Variants in SANBR observed in about 807,000 individuals in gnomAD.
SANBR encodes SANT and BTB domain regulator of CSR, also known as SANT and BTB domain regulator of class switch recombination.
Under a neutral mutation model 101.8 loss-of-function variants are expected in SANBR, and 77 were observed. That is an observed-to-expected ratio of 0.76 (90% CI 0.63 to 0.91). The LOEUF is 0.91. SANBR is among the 40% of genes least tolerant of loss of function. The probability of loss-of-function intolerance (pLI) is 0.00; values close to 1 mark genes in which losing one functional copy is unlikely to be tolerated. For missense variants in SANBR, 875 were observed against 853.0 expected, an observed-to-expected ratio of 1.03 and a Z score of -0.32; for synonymous variants, 279 against 274.7, an observed-to-expected ratio of 1.02 and a Z score of -0.15.
chr2:61,116,582 C>T (rs1283876851), intron 17 of SANBR, among the ~76,000 whole-genome samples: 1 of 151,466 alleles, frequency 6.6e-6, no homozygotes, highest in Non-Finnish European at 1.5e-5. Context: ...GTAAAAAAGC[C>T]AGGTAGGAAT....
rs191268712 is a variant in SANBR, at chr2:61,099,836, A to G, written c.1365+1984A>G. Among the ~76,000 whole-genome samples the G allele has an allele frequency of 6.4e-3, 970 of 152,260 alleles. 38 individuals are homozygous for G. Among genetic ancestry groups the G allele is most frequent in the Admixed American group, 0.057 (877 of 15,276 alleles). On this transcript the variant is annotated intron_variant, in intron 12 of 21. Coordinates refer to ENST00000402291, the MANE Select transcript of SANBR (RefSeq NM_001129993.3). The stretch of plus-strand genomic sequence containing the variant: ...AAAGTTGAGGGAGTAATATTAAAGA[A>G]AGAGTGGACTGTGGTGCCTAATACT...
Position 61,071,732 on chromosome 2 carries a change from C to A in SANBR, c.277C>A (p.Leu93Ile). The A allele has an allele frequency of 6.2e-7, 1 of 1,606,268 alleles. No individual in the cohort carries two copies. Among genetic ancestry groups the A allele is most frequent in the Non-Finnish European group, 8.5e-7 (1 of 1,177,822 alleles). ...AGCCACATATATCAAATCCTCACTT[C>A]TTGACATACATGGAGAATTTCAGGA... ...TLATYIKSSL[L>I]DIHGEFQETP... The change falls in exon 4 of 22, where the codon CTT becomes ATT. Residue 93 changes from leucine (L) to isoleucine (I), a missense_variant. Leu to Ile is a conservative substitution (Grantham distance 5). Transcript: ENST00000402291.
intron 16 of SANBR, among the ~76,000 whole-genome samples, chr2:61,114,649 G>T (rs935351436): frequency 6.6e-6 from 1 of 152,054 alleles, no homozygotes; most frequent in Non-Finnish European, 1.5e-5. Context: ...ATACATGCAT[G>T]TGTATATACA....
At chr2:61,109,058 G>C (rs1296659660) in intron 15 of SANBR, 139 bp from the exon 16 acceptor site, 2 of 421,464 alleles carry the variant, frequency 4.7e-6, no homozygotes, top group African/African-American at 4.1e-5. Context: ...TCTATTTCCT[G>C]GATATTGTGC....
At chr2:61,131,017 A>T (rs1206252543) in intron 20 of SANBR, among the ~76,000 whole-genome samples, 2 of 148,278 alleles carry the variant, frequency 1.3e-5, no homozygotes, top group African/African-American at 2.5e-5. Flanking sequence ...ATATTCTTTC[A>T]TGGTAAAAAA....
At chr2:61,082,801 A>G (rs1028837040) in intron 7 of SANBR, among the ~76,000 whole-genome samples, 2 of 152,190 alleles carry the variant, frequency 1.3e-5, no homozygotes, top group African/African-American at 4.8e-5. Flanking sequence ...CCTGGATGAC[A>G]GAGCAAGACT....
chr2:61,094,135 G>T, intron 11 of SANBR: 2 of 947,850 alleles, frequency 2.1e-6, no homozygotes, highest in Non-Finnish European at 2.5e-6. Context: ...ATTTTAAAAA[G>T]GTTTGTTGAA....
Position 61,106,561 on chromosome 2 carries a change from A to G in SANBR, c.1512-2A>G, listed in dbSNP as rs375183147. 6.3e-7 allele frequency: 1 copy of G among 1,575,260 alleles called. No homozygotes were observed. The highest frequency in any genetic ancestry group is 1.9e-5 in the Admixed American group (1 of 52,410). On this transcript the variant is annotated splice_acceptor_variant, in intron 13 of 21. Coordinates refer to ENST00000402291, the MANE Select transcript of SANBR (RefSeq NM_001129993.3). LOFTEE classifies it high-confidence loss of function. Reference sequence around the variant, plus strand: ...TCCGTAAAAATGTCTTTTTCTTTCAAGTGATGTTGGGGTTGGCCTCTGTGA... The same window carrying G: ...TCCGTAAAAATGTCTTTTTCTTTCAGGTGATGTTGGGGTTGGCCTCTGTGA...
chr2:61,088,117 G>A, intron 8 of SANBR, 42 bp from the exon 9 acceptor site: 1 of 1,059,656 alleles, frequency 9.4e-7, no homozygotes, highest in Non-Finnish European at 1.4e-6. Flanking sequence ...TCACTATAAA[G>A]TAGTGTAGAA....
rs1254161994 is a variant in SANBR, at chr2:61,088,244, A to G, written c.976A>G (p.Arg326Gly). 1.2e-6 allele frequency: 2 copies of G among 1,600,916 alleles called. No homozygotes were observed. The highest frequency in any genetic ancestry group is 1.7e-5 in the Admixed American group (1 of 57,760). The change falls in exon 9 of 22, where the codon AGA becomes GGA. Residue 326 changes from arginine to glycine, a missense_variant and splice_region_variant. Coordinates refer to ENST00000402291, the MANE Select transcript of SANBR (RefSeq NM_001129993.3). ...DSRSNAATLYRCCLCKKLLTK... is the reference protein window; with the variant it reads ...DSRSNAATLYGCCLCKKLLTK... ...TCGGAGTAATGCAGCAACATTGTAT[A>G]GGTATGCTAACATGTTTTTTTCTTT...
At chr2:61,119,615 T>C (rs1684240704) in intron 20 of SANBR, among the ~76,000 whole-genome samples, 1 of 152,140 alleles carries the variant, frequency 6.6e-6, no homozygotes. Context: ...CATATATCAT[T>C]AGATGTGCTA....
At chr2:61,086,662 TTTTTTCCGGATG>T (rs1375633640) in intron 8 of SANBR, among the ~76,000 whole-genome samples, 1 of 152,174 alleles carries the variant, frequency 6.6e-6, no homozygotes, top group African/African-American at 2.4e-5. Context: ...TTTAGAAAAC[TTTTTTCCGGATG>T]TTTTACTTTG....
At chr2:61,077,212 G>C (rs1187320597) in intron 6 of SANBR, 54 bp downstream of exon 6, 2 of 1,257,596 alleles carry the variant, frequency 1.6e-6, no homozygotes, top group Admixed American at 3.5e-5. Context: ...TCACCTGGTA[G>C]TTTCTTCAGG....
At position 61,106,562 on chromosome 2, in the gene SANBR, G is replaced by A; in HGVS notation, c.1512-1G>A. ...CCGTAAAAATGTCTTTTTCTTTCAA[G>A]TGATGTTGGGGTTGGCCTCTGTGAT... On this transcript the variant is annotated splice_acceptor_variant, in intron 13 of 21. Coordinates refer to ENST00000402291, the MANE Select transcript of SANBR (RefSeq NM_001129993.3). LOFTEE classifies it high-confidence loss of function. The A allele has an allele frequency of 6.3e-7, 1 of 1,578,140 alleles. No homozygotes were observed. The highest frequency in any genetic ancestry group is 8.6e-7 in the Non-Finnish European group (1 of 1,161,900).
intron 4 of SANBR, among the ~76,000 whole-genome samples, chr2:61,072,705 A>T (rs956862109): frequency 1.3e-5 from 2 of 151,340 alleles, no homozygotes; most frequent in African/African-American, 2.4e-5. Context: ...AGTTAATTTC[A>T]TGTATTTTTT....
intron 6 of SANBR, among the ~76,000 whole-genome samples, chr2:61,079,767 G>T (rs1261423893): frequency 6.6e-6 from 1 of 152,146 alleles, no homozygotes; most frequent in East Asian, 1.9e-4. Flanking sequence ...TTAGCCTGGT[G>T]GCGTGTGCCT....
chr2:61,124,159 G>C lies in SANBR; in HGVS notation c.*1997G>C. The C allele has an allele frequency of 1.0e-6, 1 of 982,200 alleles. No individual in the cohort carries two copies. The highest frequency in any genetic ancestry group is 1.2e-6 in the Non-Finnish European group (1 of 826,910). 60.8% of individuals were successfully genotyped at this position (982,200 alleles called of 1,614,324 possible). A position where few individuals can be genotyped will look rare whatever the true frequency, so the allele number is the denominator to read the frequency against. On this transcript the variant is annotated 3_prime_UTR_variant, in exon 22 of 22. Transcript: ENST00000402291. ...ATGTTTGTCTGTTATACATAGCACT[G>C]GTACCGCAAACATTTTACTTAAACT...
chr2:61,122,380 C>G lies in SANBR; in HGVS notation c.*218C>G, dbSNP rs3814032. 0.13 allele frequency: 162,697 copies of G among 1,237,248 alleles called. 13,675 individuals are homozygous for G. Among genetic ancestry groups the G allele is most frequent in the African/African-American group, 0.4 (26,160 of 65,196 alleles). 76.6% of individuals were successfully genotyped at this position (1,237,248 alleles called of 1,614,324 possible). A position where few individuals can be genotyped will look rare whatever the true frequency, so the allele number is the denominator to read the frequency against. On this transcript the variant is annotated 3_prime_UTR_variant, in exon 22 of 22. Coordinates refer to ENST00000402291, the MANE Select transcript of SANBR (RefSeq NM_001129993.3). ...TTTAAATCTGATTTTCTTCTAATAT[C>G]ATTCTAGGCTATGTAGAAAGCAATT... is the stretch of plus-strand genomic sequence containing the variant.
In SANBR at chr2:61,088,359, TGC is replaced by T; in HGVS notation, c.980_981del (p.Cys327LeufsTer4). ...SRSNAATLYRCCLCKKLLTKE... is the reference protein window; with the variant it reads ...SRSNAATLYRXCLCKKLLTKE... Reference sequence around the variant, plus strand: ...TTTTTGTATCTTCTTTGTTTATAGATGCTGTTTGTGTAAGAAACTTTTAACAA... The same window carrying T: ...TTTTTGTATCTTCTTTGTTTATAGATTGTTTGTGTAAGAAACTTTTAACAA... On this transcript the variant is annotated frameshift_variant and splice_region_variant, in exon 10 of 22. Transcript: ENST00000402291. LOFTEE classifies it high-confidence loss of function. 1 of 1,584,922 alleles carries T rather than the reference TGC, an allele frequency of 6.3e-7. No individual in the cohort carries two copies. Among genetic ancestry groups the T allele is most frequent in the Non-Finnish European group, 8.6e-7 (1 of 1,166,578 alleles).
Sources: allele counts gnomAD v4.1 joint callset (sites outside exome capture counted in the v4.1 genomes callset), GRCh38; gene constraint gnomAD v4.1.1; transcripts MANE v1.5; gene names NCBI Gene and HGNC (gene_info 2026-07-23, HGNC 2026-07-21).